The following SLC26A2 variants were observed in gnomAD, a reference collection of about 807,000 sequenced individuals.
SLC26A2 encodes the protein solute carrier family 26 member 2.
SLC26A2 carries 36 observed loss-of-function variants against 41.1 expected under a neutral mutation model. The observed-to-expected ratio is 0.88, with a 90% CI of 0.67 to 1.16. SLC26A2 has a LOEUF of 1.16. Among genes scored for constraint, SLC26A2 ranks in the 50% most tolerant of loss-of-function variants. The pLI, the probability that SLC26A2 is intolerant of heterozygous loss-of-function variation, is 0.00. For missense variants in SLC26A2, 796 were observed against 869.6 expected, an observed-to-expected ratio of 0.92 and a Z score of 1.07; for synonymous variants, 291 against 311.6, an observed-to-expected ratio of 0.93 and a Z score of 0.70.
chr5:149,980,007 A>G (rs1311457519), intron 2 of SLC26A2, among the ~76,000 whole-genome samples: 2 of 152,118 alleles, frequency 1.3e-5, no homozygotes, highest in Non-Finnish European at 2.9e-5. Flanking sequence ...AAAAAGAGGT[A>G]TGAACCTTAT....
At position 149,984,744 on chromosome 5, in the gene SLC26A2, T is replaced by G. The variant is rs1755166096; in HGVS notation, c.*2931T>G. 6.6e-6 allele frequency: 1 copy of G among 152,264 alleles called. No homozygotes were observed. The highest frequency in any genetic ancestry group is 6.5e-5 in the Admixed American group (1 of 15,294). The allele number at this position is 152,264 out of a possible 1,614,324, so 9.4% of individuals were successfully genotyped here. ...GTTCTTTAAGCATTATTTTAAACAC[T>G]ATATTGATACAAAAATATCTTGCTT... On this transcript the variant is annotated 3_prime_UTR_variant, in exon 3 of 3. Transcript: ENST00000286298.
In SLC26A2 at chr5:149,981,833, A is replaced by T. The variant is rs771121032; in HGVS notation, c.*20A>T. On this transcript the variant is annotated 3_prime_UTR_variant, in exon 3 of 3. Transcript: ENST00000286298. ...GATTAATTGAGAAGGTAGATAGAAG[A>T]ATGTCTAGCCAATAGGTTAAAATTT... 1.3e-6 allele frequency: 2 copies of T among 1,572,246 alleles called. No homozygotes were observed. Among genetic ancestry groups the T allele is most frequent in the South Asian group, 2.2e-5 (2 of 89,996 alleles).
chr5:149,977,224 A>G (rs1755006897), intron 1 of SLC26A2, among the ~76,000 whole-genome samples: 1 of 152,234 alleles, frequency 6.6e-6, no homozygotes, highest in Non-Finnish European at 1.5e-5. Context: ...GGTTAAGACC[A>G]GATCCTATTT....
chr5:149,968,279 C>T (rs1303323109), intron 1 of SLC26A2, among the ~76,000 whole-genome samples: 1 of 152,038 alleles, frequency 6.6e-6, no homozygotes, highest in Admixed American at 6.6e-5. Context: ...TGAGTATAAG[C>T]GGAATTACTA....
At chr5:149,969,059 A>G (rs1754857201) in intron 1 of SLC26A2, among the ~76,000 whole-genome samples, 1 of 152,210 alleles carries the variant, frequency 6.6e-6, no homozygotes, top group Non-Finnish European at 1.5e-5. Context: ...TCTTTTAAAG[A>G]AACAAAAATT....
At chr5:149,971,692 G>T (rs544305494) in intron 1 of SLC26A2, among the ~76,000 whole-genome samples, 1 of 152,308 alleles carries the variant, frequency 6.6e-6, no homozygotes, top group East Asian at 1.9e-4. Context: ...GAGCCACTGT[G>T]CCTGGCCTAG....
chr5:149,977,485 C>A, intron 1 of SLC26A2, 143 bp from the exon 2 acceptor site: 1 of 645,244 alleles, frequency 1.5e-6, no homozygotes, highest in South Asian at 1.8e-5. Flanking sequence ...ACAAATGAGG[C>A]TCAATTAAGG....
chr5:149,973,908 C>T (rs1460779396), intron 1 of SLC26A2, among the ~76,000 whole-genome samples: 5 of 152,062 alleles, frequency 3.3e-5, no homozygotes, highest in Non-Finnish European at 7.4e-5. Flanking sequence ...TTTGGGAGGC[C>T]AGGGTGGGAG....
intron 1 of SLC26A2, among the ~76,000 whole-genome samples, chr5:149,970,629 C>T (rs1581227748): frequency 6.6e-6 from 1 of 152,220 alleles, no homozygotes. Context: ...AGAATGGAAT[C>T]AACTTGGCAT....
rs1755104209 is a variant in SLC26A2, at chr5:149,981,623, T to C, written c.2030T>C (p.Ile677Thr). ...GAAGTTCGCAGAGATTATGAAGCCA[T>C]TGGAATCCAGGTTCTGCTGGCTCAG... is the stretch of plus-strand genomic sequence containing the variant. The part of the protein sequence containing the change: ...LKEVRRDYEA[I>T]GIQVLLAQCN... The change falls in exon 3 of 3, where the codon ATT (isoleucine) becomes ACT (threonine). Residue 677 changes from isoleucine (I) to threonine (T), a missense_variant. Physicochemically the swap from Ile to Thr is moderately conservative, Grantham distance 89 (BLOSUM62 -1). Coordinates refer to ENST00000286298, the MANE Select transcript of SLC26A2 (RefSeq NM_000112.4). 6.2e-7 allele frequency: 1 copy of C among 1,613,990 alleles called. No individual in the cohort carries two copies. Among genetic ancestry groups the C allele is most frequent in the Admixed American group, 1.7e-5 (1 of 59,994 alleles).
rs138277068 is a variant in SLC26A2 at position 149,971,600 on chromosome 5, A to T, written c.-25-6028A>T. 1.0e-3 allele frequency among the ~76,000 whole-genome samples: 158 copies of T among 151,816 alleles called. 1 individual carries two copies. Among genetic ancestry groups the T allele is most frequent in the Non-Finnish European group, 1.9e-3 (132 of 67,932 alleles). ...TTTTTAGTAGAAATGGGTTTTCATCATGTTGCCCAGGCTGATCTCGAACTC... is the reference window on the plus strand; with the variant it reads ...TTTTTAGTAGAAATGGGTTTTCATCTTGTTGCCCAGGCTGATCTCGAACTC... On this transcript the variant is annotated intron_variant, in intron 1 of 2. Coordinates refer to ENST00000286298, the MANE Select transcript of SLC26A2 (RefSeq NM_000112.4).
intron 2 of SLC26A2, among the ~76,000 whole-genome samples, chr5:149,979,837 G>T (rs1176830667): frequency 6.6e-6 from 1 of 152,254 alleles, no homozygotes; most frequent in Non-Finnish European, 1.5e-5. Flanking sequence ...AGGCTGAGAA[G>T]CCGTAAGACT....
intron 1 of SLC26A2, among the ~76,000 whole-genome samples, chr5:149,969,983 G>A (rs1754874837): frequency 6.6e-6 from 1 of 151,466 alleles, no homozygotes; most frequent in Admixed American, 6.5e-5. Context: ...ACTCATTTTA[G>A]CAAGAATTTA....
In SLC26A2 at chr5:149,982,484, T is replaced by C. The variant is rs1201316376; in HGVS notation, c.*671T>C. On this transcript the variant is annotated 3_prime_UTR_variant, in exon 3 of 3. Coordinates refer to ENST00000286298, the MANE Select transcript of SLC26A2 (RefSeq NM_000112.4). ...ACCCTTTGTAATACATTGGAAATTT[T>C]TACTCATGCCTTTTTGTTTAGGATA... is the stretch of plus-strand genomic sequence containing the variant. 5 of 152,206 alleles carry C rather than the reference T, an allele frequency of 3.3e-5. No homozygotes were observed. The highest frequency in any genetic ancestry group is 4.4e-5 in the Non-Finnish European group (3 of 68,028). 9.4% of individuals were successfully genotyped at this position (152,206 alleles called of 1,614,324 possible). A position where few individuals can be genotyped will look rare whatever the true frequency, so the allele number is the denominator to read the frequency against.
Position 149,968,031 on chromosome 5 carries a change from G to A in SLC26A2, c.-26+7052G>A, listed in dbSNP as rs182578378. 2.5e-4 allele frequency among the ~76,000 whole-genome samples: 35 copies of A among 141,070 alleles called. No homozygotes were observed. The East Asian group carries it at 5.5e-3, about 22-fold the overall frequency. The allele number at this position is 141,070 out of a possible 152,430, so 92.5% of individuals were successfully genotyped here. ...TTTTTATTTTTTATTTGTTTGCATC[G>A]TGTCTGTCTTTTGCTTAACATAAGG... is the stretch of plus-strand genomic sequence containing the variant. On this transcript the variant is annotated intron_variant, in intron 1 of 2. Coordinates refer to ENST00000286298, the MANE Select transcript of SLC26A2 (RefSeq NM_000112.4).
chr5:149,984,404 A>G lies in SLC26A2; in HGVS notation c.*2591A>G, dbSNP rs1284330315. 1 of 152,278 alleles carries G rather than the reference A, an allele frequency of 6.6e-6. No homozygotes were observed. The highest frequency in any genetic ancestry group is 2.4e-5 in the African/African-American group (1 of 41,470). 9.4% of individuals were successfully genotyped at this position (152,278 alleles called of 1,614,324 possible). A position where few individuals can be genotyped will look rare whatever the true frequency, so the allele number is the denominator to read the frequency against. ...GCCAGGTGCAGTGGCTCATGCCTGTAATCCCAGCACGTTGGGAGGCCGAGG... is the reference window on the plus strand; with the variant it reads ...GCCAGGTGCAGTGGCTCATGCCTGTGATCCCAGCACGTTGGGAGGCCGAGG... On this transcript the variant is annotated 3_prime_UTR_variant, in exon 3 of 3. Coordinates refer to ENST00000286298, the MANE Select transcript of SLC26A2 (RefSeq NM_000112.4).
chr5:149,983,230 A>G lies in SLC26A2; in HGVS notation c.*1417A>G, dbSNP rs1581233357. ...TTTTATTATATCTATATTATCCTAT[A>G]TAGATATATGTAACTTAGCTTTATT... On this transcript the variant is annotated 3_prime_UTR_variant, in exon 3 of 3. Transcript: ENST00000286298. The G allele has an allele frequency of 6.6e-6, 1 of 151,976 alleles. No homozygotes were observed. The highest frequency in any genetic ancestry group is 2.4e-5 in the African/African-American group (1 of 41,388). 9.4% of individuals were successfully genotyped at this position (151,976 alleles called of 1,614,324 possible).
rs986303139 is a variant in SLC26A2, at chr5:149,983,551, T to C, written c.*1738T>C. Reference sequence around the variant, plus strand: ...CCTTTCTATCCAGCCTTATGAATAATAGCAGTAAAATCACAGTATCTTGGT... The same window carrying C: ...CCTTTCTATCCAGCCTTATGAATAACAGCAGTAAAATCACAGTATCTTGGT... On this transcript the variant is annotated 3_prime_UTR_variant, in exon 3 of 3. Coordinates refer to ENST00000286298, the MANE Select transcript of SLC26A2 (RefSeq NM_000112.4). The C allele has an allele frequency of 6.6e-6, 1 of 152,212 alleles. No individual in the cohort carries two copies. The highest frequency in any genetic ancestry group is 1.5e-5 in the Non-Finnish European group (1 of 68,024). The allele number at this position is 152,212 out of a possible 1,614,324, so 9.4% of individuals were successfully genotyped here.
rs1281776282 is a variant in SLC26A2, at chr5:149,984,131, G to A, written c.*2318G>A. 6.6e-6 allele frequency: 1 copy of A among 152,212 alleles called. No individual in the cohort carries two copies. The highest frequency in any genetic ancestry group is 1.9e-4 in the East Asian group (1 of 5,200). 9.4% of individuals were successfully genotyped at this position (152,212 alleles called of 1,614,324 possible). ...GATGTAAACAGTTCTGGAACGTTAT[G>A]CATGCAGTTAGCGAATCCTTGAATT... On this transcript the variant is annotated 3_prime_UTR_variant, in exon 3 of 3. Coordinates refer to ENST00000286298, the MANE Select transcript of SLC26A2 (RefSeq NM_000112.4).
Sources: gnomAD v4.1 joint callset for allele counts (sites outside exome capture counted in the v4.1 genomes callset) on GRCh38, gnomAD v4.1.1 for gene constraint, MANE v1.5 for transcripts, NCBI Gene and HGNC (gene_info 2026-07-23, HGNC 2026-07-21) for gene names.